LOXL3: variants seen among roughly 807,000 people sequenced by gnomAD.
LOXL3 encodes the protein lysyl oxidase like 3, also known as lysyl oxidase homolog 3.
In LOXL3, 60 loss-of-function variants were observed where a neutral mutation model predicts 91.8. The ratio of observed to expected loss-of-function variants is 0.65; its 90% CI spans 0.53 to 0.81. The LOEUF (loss-of-function observed/expected upper bound fraction) is 0.81. Ranked by LOEUF, LOXL3 falls within the 30% of genes least tolerant of loss-of-function variation. LOXL3 has a pLI of 0.00. For synonymous variants in LOXL3, 355 were observed against 387.6 expected, an observed-to-expected ratio of 0.92 and a Z score of 0.99; for missense variants, 874 against 1,000.4, an observed-to-expected ratio of 0.87 and a Z score of 1.70.
chr2:74,554,889 G>C (rs747230717), upstream of LOXL3: 6 of 1,592,400 alleles, frequency 3.8e-6, no homozygotes, highest in Non-Finnish European at 5.1e-6. The surrounding 1 kb of genome is among the most constrained non-coding windows in gnomAD (Gnocchi z 4.9). Flanking sequence ...GGGAGAGGTG[G>C]GCAGCGGGCT....
At position 74,535,726 on chromosome 2, in the gene LOXL3, A is replaced by T. The variant is rs1573005574; in HGVS notation, c.1278T>A (p.His426Gln). 2.5e-6 allele frequency: 4 copies of T among 1,591,620 alleles called. No homozygotes were observed. The African/African-American group carries it at 5.4e-5, about 22-fold the overall frequency. The change falls in exon 8 of 14, where the codon CAT becomes CAA. Residue 426 changes from histidine to glutamine, a missense_variant. Transcript: ENST00000264094. This position sits in a 1 kb window ranked among gnomAD's most constrained non-coding sequence, Gnocchi z 4.2. ...CTATTTGCACCTCGACTCGCCCCTCATGTTGGCTGCGGCCCCCACTGAGTC... is the reference window on the plus strand; with the variant it reads ...CTATTTGCACCTCGACTCGCCCCTCTTGTTGGCTGCGGCCCCCACTGAGTC... ...RIRLSGGRSQHEGRVEVQIGG... is the reference protein window; with the variant it reads ...RIRLSGGRSQQEGRVEVQIGG...
chr2:74,548,477 C>A (rs971265600), intron 4 of LOXL3, among the ~76,000 whole-genome samples: 1 of 152,078 alleles, frequency 6.6e-6, no homozygotes, highest in African/African-American at 2.4e-5. Context: ...CAGTAGCTGG[C>A]GGCATCAGAC....
At position 74,534,725 on chromosome 2, in the gene LOXL3, G is replaced by A; in HGVS notation, c.1629C>T (p.Tyr543=). 6.2e-7 allele frequency: 1 copy of A among 1,614,184 alleles called. No individual in the cohort carries two copies. ...LHSALVQETA[Y]IEDRPLHMLY... ...ACATATGCAGGGGCCGGTCTTCGATGTAGGCGGTCTCCTGCACCAGTGCTG... is the reference window on the plus strand; with the variant it reads ...ACATATGCAGGGGCCGGTCTTCGATATAGGCGGTCTCCTGCACCAGTGCTG... The change falls in exon 10 of 14, where the codon TAC becomes TAT. Residue 543 remains tyrosine (Y), a synonymous_variant. Coordinates refer to ENST00000264094, the MANE Select transcript of LOXL3 (RefSeq NM_032603.5).
At chr2:74,547,678 GAA>G (rs77059684) in intron 4 of LOXL3, among the ~76,000 whole-genome samples, 1 of 89,720 alleles carries the variant, frequency 1.1e-5, no homozygotes. Context: ...ACTTTCAAAA[GAA>G]AAAAAAAAAA....
At chr2:74,545,178 AT>A (rs1462157085) in intron 4 of LOXL3, among the ~76,000 whole-genome samples, 2 of 152,194 alleles carry the variant, frequency 1.3e-5, no homozygotes, top group African/African-American at 4.8e-5. Flanking sequence ...CATCGGAATC[AT>A]TTTAGGTGTC....
At chr2:74,541,833 CTTT>C (rs1676338992) in intron 4 of LOXL3, among the ~76,000 whole-genome samples, 1 of 150,118 alleles carries the variant, frequency 6.7e-6, no homozygotes, top group Non-Finnish European at 1.5e-5. Context: ...AGTTTAGACC[CTTT>C]TATCTTATAA....
chr2:74,554,658 C>T (rs1236484067), upstream of LOXL3: 4 of 1,266,920 alleles, frequency 3.2e-6, no homozygotes, highest in South Asian at 1.4e-5. This position sits in a 1 kb window ranked among gnomAD's most constrained non-coding sequence, Gnocchi z 4.9. Flanking sequence ...CGGCGGGGGC[C>T]GGGGAGGGGC....
At position 74,532,753 on chromosome 2, in the gene LOXL3, G is replaced by T; in HGVS notation, c.*853C>A. The T allele has an allele frequency of 6.2e-7, 1 of 1,612,494 alleles. No homozygotes were observed. The highest frequency in any genetic ancestry group is 8.5e-7 in the Non-Finnish European group (1 of 1,178,572). On this transcript the variant is annotated 3_prime_UTR_variant, in exon 14 of 14. Transcript: ENST00000264094. The stretch of plus-strand genomic sequence containing the variant: ...TGCAGTGTGATATGGGGATGGGCAA[G>T]GTGTGCATGTGTCCTTGAACTAGGC...
At position 74,535,789 on chromosome 2, in the gene LOXL3, G is replaced by T. The variant is rs774216145; in HGVS notation, c.1249-34C>A. ...ACACAGAATGGAAGCGCTGGAGAAAGCTTTGGGGTGAGGTAGTGGGAGTCT... is the reference window on the plus strand; with the variant it reads ...ACACAGAATGGAAGCGCTGGAGAAATCTTTGGGGTGAGGTAGTGGGAGTCT... On this transcript the variant is annotated intron_variant, in intron 7 of 13. Transcript: ENST00000264094. The surrounding 1 kb of genome is among the most constrained non-coding windows in gnomAD (Gnocchi z 4.2). The T allele has an allele frequency of 1.3e-6, 2 of 1,530,632 alleles. No individual in the cohort carries two copies. Among genetic ancestry groups the T allele is most frequent in the East Asian group, 2.3e-5 (1 of 44,306 alleles). 94.8% of individuals were successfully genotyped at this position (1,530,632 alleles called of 1,614,324 possible). A position where few individuals can be genotyped will look rare whatever the true frequency, so the allele number is the denominator to read the frequency against.
chr2:74,534,316 C>T lies in LOXL3; in HGVS notation c.1939G>A (p.Asp647Asn). The part of the protein sequence containing the change: ...FCLEDTECQE[D>N]VSKRYECANF... ...TGGTTCACTTCAGTCCCCAACTCAC[C>T]CTCCTGACACTCAGTGTCTTCGAGA... Residue 647 changes from aspartate (D) to asparagine (N), a missense_variant and splice_region_variant, in exon 11 of 14, where the codon GAT becomes AAT. Transcript: ENST00000264094. The T allele has an allele frequency of 1.2e-6, 2 of 1,614,216 alleles. No homozygotes were observed. The highest frequency in any genetic ancestry group is 1.7e-6 in the Non-Finnish European group (2 of 1,180,022).
chr2:74,549,706 G>A lies in LOXL3; in HGVS notation c.478-123C>T, dbSNP rs1040970224. 1.4e-6 allele frequency: 2 copies of A among 1,447,404 alleles called. No individual in the cohort carries two copies. The highest frequency in any genetic ancestry group is 2.9e-5 in the African/African-American group (2 of 69,782). The allele number at this position is 1,447,404 out of a possible 1,614,324, so 89.7% of individuals were successfully genotyped here. ...CCAGTGGCGGGATGGGCCCGAGGCG[G>A]CGCTGAGAGAGCGGCCACGATGGCC... On this transcript the variant is annotated intron_variant, in intron 3 of 13. Transcript: ENST00000264094. This position sits in a 1 kb window ranked among gnomAD's most constrained non-coding sequence, Gnocchi z 5.3.
chr2:74,532,934 G>A lies in LOXL3; in HGVS notation c.*672C>T. On this transcript the variant is annotated 3_prime_UTR_variant, in exon 14 of 14. Coordinates refer to ENST00000264094, the MANE Select transcript of LOXL3 (RefSeq NM_032603.5). ...AATCCCAGTTGGCAGTGCAGATCCG[G>A]CGGGGACGAGAAACACTGACCTTAT... is the stretch of plus-strand genomic sequence containing the variant. 6.2e-7 allele frequency: 1 copy of A among 1,614,032 alleles called. No homozygotes were observed. Among genetic ancestry groups the A allele is most frequent in the Non-Finnish European group, 8.5e-7 (1 of 1,180,008 alleles).
rs1387914909 is a variant in LOXL3, at chr2:74,552,409, G to C, written c.226C>G (p.Leu76Val). 1 of 1,613,674 alleles carries C rather than the reference G, an allele frequency of 6.2e-7. No homozygotes were observed. Among genetic ancestry groups the C allele is most frequent in the Non-Finnish European group, 8.5e-7 (1 of 1,179,754 alleles). Residue 76 changes from leucine to valine, a missense_variant, in exon 2 of 14, where the codon CTG becomes GTG. Transcript: ENST00000264094. The part of the protein sequence containing the change: ...WGTICDDDFT[L>V]QAAHILCREL... Reference sequence around the variant, plus strand: ...CGGCAGAGGATGTGGGCAGCCTGCAGCGTGAAGTCATCATCGCAGATGGTG... The same window carrying C: ...CGGCAGAGGATGTGGGCAGCCTGCACCGTGAAGTCATCATCGCAGATGGTG...
chr2:74,553,455 C>T (rs909612434), intron 1 of LOXL3, among the ~76,000 whole-genome samples: 1 of 152,206 alleles, frequency 6.6e-6, no homozygotes, highest in East Asian at 1.9e-4. Flanking sequence ...CCTGCCAACA[C>T]CACCATCCCT....
intron 3 of LOXL3, 114 bp downstream of exon 3, chr2:74,550,071 A>G: frequency 6.7e-7 from 1 of 1,483,388 alleles, no homozygotes; most frequent in Non-Finnish European, 8.9e-7. Flanking sequence ...CAAGTCTCCC[A>G]CCAATCCAAA....
In LOXL3 at chr2:74,533,916, A is replaced by C; in HGVS notation, c.2154T>G (p.Asp718Glu). 6.2e-7 allele frequency: 1 copy of C among 1,614,128 alleles called. No individual in the cohort carries two copies. The highest frequency in any genetic ancestry group is 8.5e-7 in the Non-Finnish European group (1 of 1,179,996). The stretch of plus-strand genomic sequence containing the variant: ...AGTTGTGCACCCAGATTCTATGTCC[A>C]TCATATTTGCAGTTACATTTCATTG... ...NNAMKCNCKY[D>E]GHRIWVHNCH... Residue 718 changes from aspartate to glutamate, a missense_variant, in exon 13 of 14, where the codon GAT (aspartate) becomes GAG (glutamate). Physicochemically the swap from Asp to Glu is conservative, Grantham distance 45 (BLOSUM62 2). Transcript: ENST00000264094.
intron 1 of LOXL3, among the ~76,000 whole-genome samples, chr2:74,553,674 G>T (rs1262996142): frequency 6.6e-6 from 1 of 152,170 alleles, no homozygotes; most frequent in Non-Finnish European, 1.5e-5. Flanking sequence ...GCTCCTGGCG[G>T]CCCTGTTCGA....
In LOXL3 at chr2:74,533,940, T is replaced by A; in HGVS notation, c.2130A>T (p.Ala710=). ...EVAESDFTNN[A]MKCNCKYDGH... The stretch of plus-strand genomic sequence containing the variant: ...CATCATATTTGCAGTTACATTTCAT[T>A]GCATTGTTGGTAAAGTCACTCTCTG... The change falls in exon 13 of 14, where the codon GCA becomes GCT. Residue 710 remains alanine, a synonymous_variant. Transcript: ENST00000264094. 1 of 1,614,232 alleles carries A rather than the reference T, an allele frequency of 6.2e-7. No individual in the cohort carries two copies. The highest frequency in any genetic ancestry group is 1.1e-5 in the South Asian group (1 of 91,084).
chr2:74,545,077 CA>C (rs1676524831), intron 4 of LOXL3, among the ~76,000 whole-genome samples: 1 of 152,200 alleles, frequency 6.6e-6, no homozygotes, highest in African/African-American at 2.4e-5. Context: ...TCCTGTGTCT[CA>C]AACTTTCCAA....
Sources: gnomAD v4.1 joint callset for allele counts (sites outside exome capture counted in the v4.1 genomes callset) on GRCh38, gnomAD v4.1.1 for gene constraint, Gnocchi (gnomAD v3.1) non-coding constraint, MANE v1.5 for transcripts, NCBI Gene and HGNC (gene_info 2026-07-23, HGNC 2026-07-21) for gene names.